Variants in DRC4 observed in about 807,000 individuals in gnomAD.
The protein encoded by DRC4 is GAS-11.
At chr16:90,020,149 T>C in the DRC4 span, 3 of 547,894 alleles carry the variant, frequency 5.5e-6, no homozygotes, top group South Asian at 4.5e-5. Flanking sequence ...CATTAGATCA[T>C]TGCATTTGTA....
At chr16:90,036,868 G>A in the DRC4 span, 1 of 591,070 alleles carries the variant, frequency 1.7e-6, no homozygotes, top group South Asian at 1.8e-5. Flanking sequence ...TGGAACCGCA[G>A]TGAGGGCCGT....
chr16:90,029,290 G>C, the DRC4 span: 2 of 1,366,222 alleles, frequency 1.5e-6, no homozygotes, highest in Non-Finnish European at 2.0e-6. Context: ...GGCAGGTGGG[G>C]AGGGATGGGG....
the DRC4 span, chr16:90,042,999 C>T: frequency 1.7e-6 from 1 of 582,836 alleles, no homozygotes; most frequent in Admixed American, 3.1e-5. Context: ...TAGTGACAGC[C>T]TCTCCCTGTC....
the DRC4 span, chr16:90,043,545 T>A: frequency 1.6e-6 from 1 of 616,660 alleles, no homozygotes; most frequent in Non-Finnish European, 2.9e-6. Context: ...TCCCTGTCGC[T>A]CCCTTCCCTG....
the DRC4 span, among the ~76,000 whole-genome samples, chr16:90,020,433 T>C: frequency 6.6e-6 from 1 of 152,058 alleles, no homozygotes; most frequent in African/African-American, 2.4e-5. Flanking sequence ...GGATAGTGGG[T>C]GGCAGGAAGC....
the DRC4 span, among the ~76,000 whole-genome samples, chr16:90,020,657 C>G: frequency 6.6e-6 from 1 of 152,244 alleles, no homozygotes; most frequent in East Asian, 1.9e-4. Flanking sequence ...TGGGCCCTGT[C>G]GGGATCCCAG....
the DRC4 span, chr16:90,031,169 C>T: frequency 1.7e-5 from 26 of 1,521,832 alleles, no homozygotes; most frequent in South Asian, 3.0e-4. Flanking sequence ...TAACTTTTTA[C>T]ATTTAGCTGT....
At chr16:90,043,681 T>C in the DRC4 span, 2 of 522,624 alleles carry the variant, frequency 3.8e-6, no homozygotes, top group Non-Finnish European at 3.8e-6. Flanking sequence ...CTGTGCTGCC[T>C]GTCTTCGCGC....
chr16:90,029,472 A>G, the DRC4 span: 2 of 497,702 alleles, frequency 4.0e-6, no homozygotes, highest in Middle Eastern at 7.7e-4. Flanking sequence ...TCTCAACACC[A>G]TGTGAGCCAA....
chr16:90,024,846 C>T, the DRC4 span, among the ~76,000 whole-genome samples: 1 of 151,950 alleles, frequency 6.6e-6, no homozygotes, highest in African/African-American at 2.4e-5. Context: ...AAAAATGCAA[C>T]AGCAAACACA....
At chr16:90,019,944 G>A in the DRC4 span, 1 of 692,512 alleles carries the variant, frequency 1.4e-6, no homozygotes, top group African/African-American at 1.8e-5. The surrounding 1 kb of genome is among the most constrained non-coding windows in gnomAD (Gnocchi z 6.1). Flanking sequence ...TGGAAGGGGC[G>A]GGATGGGGGA....
At chr16:90,029,172 G>C in the DRC4 span, 3 of 1,351,790 alleles carry the variant, frequency 2.2e-6, no homozygotes, top group Non-Finnish European at 3.0e-6. Flanking sequence ...CTACGGGGCA[G>C]CTTACGGGGC....
chr16:90,028,964 G>T, the DRC4 span: 5 of 1,304,370 alleles, frequency 3.8e-6, no homozygotes, highest in Admixed American at 2.3e-5. Flanking sequence ...GTTTAAGCCA[G>T]TGGCTAAGCA....
At chr16:90,041,581 A>G in the DRC4 span, among the ~76,000 whole-genome samples, 7 of 152,204 alleles carry the variant, frequency 4.6e-5, no homozygotes, top group South Asian at 2.1e-4. Flanking sequence ...TGAGGTGGGC[A>G]GATCACGAGT....
chr16:90,036,291 G>C, the DRC4 span: 1 of 1,175,664 alleles, frequency 8.5e-7, no homozygotes, highest in South Asian at 1.5e-5. Flanking sequence ...CACAGTGGGC[G>C]TTTTGGGCCC....
At chr16:90,037,296 G>A in the DRC4 span, 26 of 1,613,982 alleles carry the variant, frequency 1.6e-5, no homozygotes, top group Non-Finnish European at 2.1e-5. Flanking sequence ...GAGGTGTCTG[G>A]GCAGAACAAG....
At chr16:90,029,568 G>A in the DRC4 span, 2 of 305,758 alleles carry the variant, frequency 6.5e-6, 1 homozygote, top group South Asian at 5.9e-5. Context: ...TTGTGCCGAG[G>A]CACTGGTTGG....
chr16:90,032,990 A>G, the DRC4 span: 1 of 1,333,798 alleles, frequency 7.5e-7, no homozygotes, highest in Non-Finnish European at 1.1e-6. Flanking sequence ...TGCTGCATGA[A>G]CTCCTGTTTA....
chr16:90,043,956 A>G, the DRC4 span: 8 of 417,184 alleles, frequency 1.9e-5, no homozygotes, highest in East Asian at 4.4e-4. Context: ...GGCACGTGGA[A>G]CTTCTGGGCC....
Sources: gnomAD v4.1 joint callset for allele counts (sites outside exome capture counted in the v4.1 genomes callset) on GRCh38, gnomAD v4.1.1 for gene constraint, Gnocchi (gnomAD v3.1) non-coding constraint, MANE v1.5 for transcripts, NCBI Gene and HGNC (gene_info 2026-07-23, HGNC 2026-07-21) for gene names.